ARHGEF38: variants seen among roughly 807,000 people sequenced by gnomAD.
ARHGEF38 encodes Rho guanine nucleotide exchange factor 38.
A neutral mutation model predicts 79.9 loss-of-function variants in ARHGEF38; 79 were observed. The observed-to-expected ratio is 0.99, with a 90% CI of 0.82 to 1.19. The LOEUF (loss-of-function observed/expected upper bound fraction) is 1.19. Ranked by LOEUF, ARHGEF38 falls within the 50% of genes most tolerant of loss-of-function variation. The pLI, the probability that ARHGEF38 is intolerant of heterozygous loss-of-function variation, is 0.00. For missense variants in ARHGEF38, 962 were observed against 907.2 expected (o/e 1.06, Z -0.78); for synonymous variants, 366 against 328.3 (o/e 1.11, Z -1.24).
At chr4:105,643,057 G>A (rs2110536070) in intron 5 of ARHGEF38, among the ~76,000 whole-genome samples, 1 of 151,536 alleles carries the variant, frequency 6.6e-6, no homozygotes, top group East Asian at 1.9e-4. Flanking sequence ...CAATATATAA[G>A]AAAATGTCCT....
intron 7 of ARHGEF38, among the ~76,000 whole-genome samples, 154 bp downstream of exon 7, chr4:105,648,836 CTCTCTCTCTCTT>C (rs1419278545): frequency 7.3e-5 from 11 of 150,888 alleles, no homozygotes; most frequent in African/African-American, 1.7e-4. Flanking sequence ...CTCTCTCTCT[CTCTCTCTCTCTT>C]TCTCTCTCTC....
chr4:105,618,737 G>A (rs936721437), intron 3 of ARHGEF38, among the ~76,000 whole-genome samples: 13 of 152,160 alleles, frequency 8.5e-5, no homozygotes, highest in Non-Finnish European at 1.5e-5. Context: ...GAAAGTTAGA[G>A]GAGAAATATA....
intron 1 of ARHGEF38, among the ~76,000 whole-genome samples, chr4:105,576,493 C>G (rs1467419515): frequency 6.6e-6 from 1 of 150,770 alleles, no homozygotes; most frequent in African/African-American, 2.4e-5. Flanking sequence ...ATATAGCAAG[C>G]AGCACTGCTG....
chr4:105,681,784 G>A (rs1731319525), downstream of ARHGEF38, among the ~76,000 whole-genome samples: 1 of 152,126 alleles, frequency 6.6e-6, no homozygotes, highest in East Asian at 1.9e-4. Context: ...GGTTAACAAT[G>A]TACAAAACAA....
At chr4:105,642,112 C>T (rs940652326) in intron 5 of ARHGEF38, among the ~76,000 whole-genome samples, 15 of 152,022 alleles carry the variant, frequency 9.9e-5, no homozygotes, top group Non-Finnish European at 1.6e-4. Context: ...TCATCTGCCT[C>T]GCATGGTTAC....
chr4:105,613,526 C>T lies in ARHGEF38; in HGVS notation c.508+19C>T, dbSNP rs774882161. On this transcript the variant is annotated intron_variant, in intron 3 of 13. Coordinates refer to ENST00000420470, the MANE Select transcript of ARHGEF38 (RefSeq NM_001242729.2). ...GTAATTGGTATGTTTATTCTCTTCT[C>T]GAGTTCTACAATACAACAGGAAATA... The T allele has an allele frequency of 1.9e-5, 31 of 1,610,452 alleles. No individual in the cohort carries two copies. Among genetic ancestry groups the T allele is most frequent in the East Asian group, 8.9e-5 (4 of 44,782 alleles).
At chr4:105,582,566 A>T (rs191696412) in intron 1 of ARHGEF38, among the ~76,000 whole-genome samples, 1 of 151,964 alleles carries the variant, frequency 6.6e-6, no homozygotes, top group African/African-American at 2.4e-5. Flanking sequence ...TATTTTTGTT[A>T]TTTATTTCTA....
intron 2 of ARHGEF38, among the ~76,000 whole-genome samples, chr4:105,591,618 G>A (rs1232544775): frequency 6.6e-6 from 1 of 152,126 alleles, no homozygotes; most frequent in East Asian, 1.9e-4. Flanking sequence ...ATTGTTTTTT[G>A]GTCTAAGACA....
rs1351145797 is a variant in ARHGEF38 at position 105,658,997 on chromosome 4, T to G, written c.1234-57T>G. ...AAGGTAAACCTATGGATAGCAGAACTGGACAAGGTATGGGCTGATCCTCTC... is the reference window on the plus strand; with the variant it reads ...AAGGTAAACCTATGGATAGCAGAACGGGACAAGGTATGGGCTGATCCTCTC... On this transcript the variant is annotated intron_variant, in intron 9 of 13. Coordinates refer to ENST00000420470, the MANE Select transcript of ARHGEF38 (RefSeq NM_001242729.2). 4.2e-6 allele frequency: 6 copies of G among 1,420,570 alleles called. No homozygotes were observed. In the Admixed American group the frequency reaches 9.7e-5, roughly 23 times the overall value. The allele number at this position is 1,420,570 out of a possible 1,614,324, so 88.0% of individuals were successfully genotyped here. A position where few individuals can be genotyped will look rare whatever the true frequency, so the allele number is the denominator to read the frequency against.
At chr4:105,585,924 T>C (rs1334790637) in intron 1 of ARHGEF38, among the ~76,000 whole-genome samples, 2 of 151,776 alleles carry the variant, frequency 1.3e-5, no homozygotes, top group African/African-American at 4.8e-5. Context: ...AGAGATGGCG[T>C]TTCTCCATGT....
intron 1 of ARHGEF38, among the ~76,000 whole-genome samples, chr4:105,578,658 A>G (rs1726627445): frequency 6.6e-6 from 1 of 152,180 alleles, no homozygotes; most frequent in Non-Finnish European, 1.5e-5. Context: ...TTTTATCATT[A>G]TAAAATGACC....
chr4:105,626,696 C>T (rs547490912), intron 3 of ARHGEF38, among the ~76,000 whole-genome samples: 11 of 152,124 alleles, frequency 7.2e-5, no homozygotes, highest in South Asian at 6.2e-4. Context: ...ATCTTTCATA[C>T]GAATAACTAC....
At position 105,619,934 on chromosome 4, in the gene ARHGEF38, G is replaced by A. The variant is rs577518903; in HGVS notation, c.508+6427G>A. On this transcript the variant is annotated intron_variant, in intron 3 of 13. Coordinates refer to ENST00000420470, the MANE Select transcript of ARHGEF38 (RefSeq NM_001242729.2). ...CAGGTGTCCCATTTCTTTGTCCTTA[G>A]ATGGCACAAATAAGAGTTTGTGATT... Among the ~76,000 whole-genome samples, 22 of 152,274 alleles carry A rather than the reference G, an allele frequency of 1.4e-4. 1 individual carries two copies. The South Asian group carries it at 4.6e-3, about 32-fold the overall frequency.
chr4:105,555,729 ATGCTATAT>A (rs1359656014), intron 1 of ARHGEF38, among the ~76,000 whole-genome samples: 1 of 152,118 alleles, frequency 6.6e-6, no homozygotes, highest in African/African-American at 2.4e-5. Flanking sequence ...TTGTCCTTCA[ATGCTATAT>A]TACCTGAGTA....
intron 1 of ARHGEF38, among the ~76,000 whole-genome samples, chr4:105,560,927 T>C (rs1725487743): frequency 6.6e-6 from 1 of 152,178 alleles, no homozygotes; most frequent in Non-Finnish European, 1.5e-5. Context: ...ATTGTTTACC[T>C]CTCTCAGATT....
chr4:105,565,496 G>A (rs1422277467), intron 1 of ARHGEF38, among the ~76,000 whole-genome samples: 1 of 152,204 alleles, frequency 6.6e-6, no homozygotes, highest in East Asian at 1.9e-4. Flanking sequence ...GGAGAGGGAT[G>A]AAAGAACATT....
At position 105,667,287 on chromosome 4, in the gene ARHGEF38, T is replaced by G. The variant is rs1449295560; in HGVS notation, c.1848T>G (p.Asp616Glu). 1 of 1,536,038 alleles carries G rather than the reference T, an allele frequency of 6.5e-7. No homozygotes were observed. Among genetic ancestry groups the G allele is most frequent in the Non-Finnish European group, 8.7e-7 (1 of 1,146,932 alleles). ...GDLVAVIEQKDPLGSTSRWLV... is the reference protein window; with the variant it reads ...GDLVAVIEQKEPLGSTSRWLV... Reference sequence around the variant, plus strand: ...TGGTGGCTGTGATAGAACAGAAAGATCCACTGGGGAGTACAAGCAGGTGGC... The same window carrying G: ...TGGTGGCTGTGATAGAACAGAAAGAGCCACTGGGGAGTACAAGCAGGTGGC... Residue 616 changes from aspartate (D) to glutamate (E), a missense_variant, in exon 12 of 14, where the codon GAT becomes GAG. Coordinates refer to ENST00000420470, the MANE Select transcript of ARHGEF38 (RefSeq NM_001242729.2).
chr4:105,640,568 C>T (rs1729578091), intron 5 of ARHGEF38, among the ~76,000 whole-genome samples: 1 of 152,124 alleles, frequency 6.6e-6, no homozygotes, highest in African/African-American at 2.4e-5. Flanking sequence ...GAATTCCCCT[C>T]CCATCATCCT....
At chr4:105,635,477 T>A (rs1221282073) in intron 4 of ARHGEF38, among the ~76,000 whole-genome samples, 1 of 152,000 alleles carries the variant, frequency 6.6e-6, no homozygotes, top group Non-Finnish European at 1.5e-5. Flanking sequence ...TCTGTAGGAG[T>A]TAAAAGAATA....
Sources: allele counts gnomAD v4.1 joint callset (sites outside exome capture counted in the v4.1 genomes callset), GRCh38; gene constraint gnomAD v4.1.1; transcripts MANE v1.5; gene names NCBI Gene and HGNC (gene_info 2026-07-23, HGNC 2026-07-21).